Variants in NRG3 observed in about 807,000 individuals in gnomAD.
The protein encoded by NRG3 is neuregulin 3.
NRG3 carries 31 observed loss-of-function variants against 66.9 expected under a neutral mutation model. The observed-to-expected ratio is 0.46, with a 90% confidence interval of 0.35 to 0.63. The LOEUF is 0.63. Ranked by LOEUF, NRG3 falls within the 20% of genes least tolerant of loss-of-function variation. The probability of loss-of-function intolerance (pLI) is 0.00; values close to 1 mark genes in which losing one functional copy is unlikely to be tolerated. For synonymous variants in NRG3, 393 were observed against 359.4 expected (o/e 1.09, Z -1.06); for missense variants, 910 against 878.9 (o/e 1.04, Z -0.45).
At chr10:82,049,295 C>A (rs557533938) in intron 1 of NRG3, among the ~76,000 whole-genome samples, 1 of 152,174 alleles carries the variant, frequency 6.6e-6, no homozygotes, top group Non-Finnish European at 1.5e-5. Context: ...CAACATCAAT[C>A]ATAAGAGGAC....
intron 2 of NRG3, among the ~76,000 whole-genome samples, chr10:82,647,437 C>T (rs1384276106): frequency 6.6e-6 from 1 of 152,182 alleles, no homozygotes; most frequent in Non-Finnish European, 1.5e-5. Flanking sequence ...CAAGTCTTTG[C>T]TATTGTGAAT....
chr10:82,085,101 C>A (rs12259453), intron 1 of NRG3, among the ~76,000 whole-genome samples: 4,164 of 152,230 alleles, frequency 0.027, 215 homozygotes, highest in African/African-American at 0.096. Flanking sequence ...AAAGGGGCCT[C>A]TAGTGGCCAA....
chr10:81,967,836 T>C (rs1329163689), intron 1 of NRG3, among the ~76,000 whole-genome samples: 2 of 152,192 alleles, frequency 1.3e-5, no homozygotes, highest in African/African-American at 2.4e-5. Context: ...CTCTTTTGAC[T>C]GCATATGGCT....
intron 2 of NRG3, among the ~76,000 whole-genome samples, chr10:82,574,665 G>A (rs1390032716): frequency 6.6e-6 from 1 of 151,678 alleles, no homozygotes; most frequent in Non-Finnish European, 1.5e-5. Flanking sequence ...TTATAATTAT[G>A]TATCAATTAA....
chr10:82,020,071 AT>A lies in NRG3; in HGVS notation c.823+143911del, dbSNP rs565543389. 3.8e-3 allele frequency among the ~76,000 whole-genome samples: 581 copies of A among 152,176 alleles called. 3 individuals carry two copies. The highest frequency in any genetic ancestry group is 0.013 in the African/African-American group (555 of 41,544). ...ATCTTTCCTGTTTTCTCTTGTGGGC[AT>A]TTACTGCTATAAATTTCTAAAGGCT... On this transcript the variant is annotated intron_variant, in intron 1 of 8. Coordinates refer to ENST00000372141, the MANE Select transcript of NRG3 (RefSeq NM_001010848.4).
chr10:82,291,287 A>C (rs901140572), intron 1 of NRG3, among the ~76,000 whole-genome samples: 1 of 152,206 alleles, frequency 6.6e-6, no homozygotes, highest in Non-Finnish European at 1.5e-5. Context: ...TGTAAACTTT[A>C]AAAAACATAA....
At chr10:82,803,921 C>A (rs1370608860) in intron 3 of NRG3, among the ~76,000 whole-genome samples, 1 of 152,134 alleles carries the variant, frequency 6.6e-6, no homozygotes, top group African/African-American at 2.4e-5. Flanking sequence ...TGGACAGTTC[C>A]AGGCATAAAC....
At chr10:82,825,701 T>C (rs1468306182) in intron 3 of NRG3, among the ~76,000 whole-genome samples, 1 of 152,212 alleles carries the variant, frequency 6.6e-6, no homozygotes, top group Non-Finnish European at 1.5e-5. Flanking sequence ...CAAAACTTAT[T>C]ATCGGATGAA....
At chr10:82,777,141 G>A (rs754822445) in intron 3 of NRG3, among the ~76,000 whole-genome samples, 3 of 152,184 alleles carry the variant, frequency 2.0e-5, no homozygotes, top group Non-Finnish European at 4.4e-5. Flanking sequence ...CCAGTTCTGT[G>A]TGAGTGCAGT....
At position 82,239,896 on chromosome 10, in the gene NRG3, AT is replaced by A. The variant is rs201730510; in HGVS notation, c.824-118841del. Among the ~76,000 whole-genome samples the A allele has an allele frequency of 5.8e-3, 888 of 152,270 alleles. 5 individuals are homozygous for A. Among genetic ancestry groups the A allele is most frequent in the African/African-American group, 0.019 (788 of 41,578 alleles). ...AATAGTTTAAATATTTTTGTATTGT[AT>A]TCACAAAAAGAAACTTATTTTTAAC... On this transcript the variant is annotated intron_variant, in intron 1 of 8. Transcript: ENST00000372141.
intron 1 of NRG3, among the ~76,000 whole-genome samples, chr10:82,296,281 C>T (rs992254465): frequency 5.3e-5 from 8 of 152,150 alleles, no homozygotes; most frequent in African/African-American, 1.9e-4. Context: ...CAATGAGAAA[C>T]CATCAACGTT....
intron 2 of NRG3, among the ~76,000 whole-genome samples, chr10:82,468,796 GTTAT>G (rs1226287775): frequency 6.6e-6 from 1 of 152,076 alleles, no homozygotes; most frequent in Non-Finnish European, 1.5e-5. Flanking sequence ...TTTGATTCCT[GTTAT>G]TTTGGTGGTC....
chr10:82,985,345 A>G lies in NRG3; in HGVS notation c.1831A>G (p.Asn611Asp). Reference sequence around the variant, plus strand: ...AAACTCCTATTCAGCTGACGTTGTCAATGTGAGTATTCCAGTCAGCGATTG... The same window carrying G: ...AAACTCCTATTCAGCTGACGTTGTCGATGTGAGTATTCCAGTCAGCGATTG... ...CKNSYSADVV[N>D]VSIPVSDCLI... Residue 611 changes from asparagine (N) to aspartate (D), a missense_variant, in exon 9 of 9, where the codon AAT becomes GAT. Physicochemically the swap from Asn to Asp is conservative, Grantham distance 23 (BLOSUM62 1). Transcript: ENST00000372141. The G allele has an allele frequency of 1.9e-6, 3 of 1,614,182 alleles. No individual in the cohort carries two copies. Among genetic ancestry groups the G allele is most frequent in the Non-Finnish European group, 2.5e-6 (3 of 1,180,016 alleles).
chr10:81,949,457 C>A (rs934413717), intron 1 of NRG3, among the ~76,000 whole-genome samples: 2 of 152,110 alleles, frequency 1.3e-5, no homozygotes, highest in Admixed American at 1.3e-4. Flanking sequence ...GCATAGCCAC[C>A]GTCACCTTGT....
At chr10:82,704,657 T>C (rs2134324059) in intron 2 of NRG3, among the ~76,000 whole-genome samples, 1 of 152,338 alleles carries the variant, frequency 6.6e-6, no homozygotes, top group South Asian at 2.1e-4. Flanking sequence ...ACTGCCAATG[T>C]TTCATATCAA....
At chr10:82,335,248 G>A (rs1262282113) in intron 1 of NRG3, among the ~76,000 whole-genome samples, 1 of 152,160 alleles carries the variant, frequency 6.6e-6, no homozygotes, top group Non-Finnish European at 1.5e-5. Context: ...CTGTGACAAG[G>A]GAGCCTAGCC....
intron 1 of NRG3, among the ~76,000 whole-genome samples, chr10:82,303,873 T>A (rs140640998): frequency 0.015 from 2,275 of 151,186 alleles, 56 homozygotes; most frequent in African/African-American, 0.052. Flanking sequence ...TCTCAAAAAA[T>A]AAATAAATAA....
chr10:82,417,530 A>G (rs1382361360), intron 2 of NRG3, among the ~76,000 whole-genome samples: 4 of 152,182 alleles, frequency 2.6e-5, no homozygotes, highest in Non-Finnish European at 4.4e-5. Flanking sequence ...TGATAGGACC[A>G]CTTATTGAGT....
chr10:82,112,446 TTGTTTCCGATTTTA>T (rs2067444423), intron 1 of NRG3, among the ~76,000 whole-genome samples: 1 of 152,108 alleles, frequency 6.6e-6, no homozygotes, highest in Non-Finnish European at 1.5e-5. Context: ...GTTACTGCCT[TTGTTTCCGATTTTA>T]TGGGCAATAG....
Sources: gnomAD v4.1 joint callset for allele counts (sites outside exome capture counted in the v4.1 genomes callset) on GRCh38, gnomAD v4.1.1 for gene constraint, MANE v1.5 for transcripts, NCBI Gene and HGNC (gene_info 2026-07-23, HGNC 2026-07-21) for gene names.